The following PRKN variants were observed in gnomAD, a reference collection of about 807,000 sequenced individuals.
The protein encoded by PRKN is E3 ubiquitin-protein ligase parkin.
In PRKN, 56 loss-of-function variants were observed where a neutral mutation model predicts 59.5. That is an observed-to-expected ratio of 0.94 (90% CI 0.76 to 1.18). The LOEUF is 1.18. Ranked by LOEUF, PRKN falls within the 50% of genes most tolerant of loss-of-function variation. The pLI, the probability that PRKN is intolerant of heterozygous loss-of-function variation, is 0.00. For missense variants in PRKN, 657 were observed against 596.4 expected (o/e 1.10, Z -1.06); for synonymous variants, 250 against 222.1 (o/e 1.13, Z -1.12).
At chr6:161,873,379 C>A (rs1794423301) in intron 6 of PRKN, among the ~76,000 whole-genome samples, 1 of 151,918 alleles carries the variant, frequency 6.6e-6, no homozygotes, top group African/African-American at 2.4e-5. Context: ...GGAAACTATG[C>A]AAGCATGAAA....
intron 7 of PRKN, among the ~76,000 whole-genome samples, chr6:161,616,936 T>C (rs1257170593): frequency 1.6e-4 from 25 of 152,206 alleles, no homozygotes; most frequent in Admixed American, 1.6e-3. Flanking sequence ...GTAATGAGAT[T>C]GCTGGGTCAA....
intron 1 of PRKN, among the ~76,000 whole-genome samples, chr6:162,467,908 T>C (rs941372176): frequency 6.6e-6 from 1 of 152,098 alleles, no homozygotes; most frequent in African/African-American, 2.4e-5. Flanking sequence ...TTGTTCCCTT[T>C]GCCTGGAGCA....
intron 7 of PRKN, among the ~76,000 whole-genome samples, chr6:161,623,761 G>A (rs541786382): frequency 1.3e-5 from 2 of 152,142 alleles, no homozygotes; most frequent in African/African-American, 4.8e-5. Context: ...GCCAAAAATG[G>A]GTAAAAAGGA....
In PRKN at chr6:161,355,458, A is replaced by G. The variant is rs979375788; in HGVS notation, c.1285+4630T>C. 7.9e-5 allele frequency among the ~76,000 whole-genome samples: 12 copies of G among 152,176 alleles called. No homozygotes were observed. The highest frequency in any genetic ancestry group is 2.7e-4 in the African/African-American group (11 of 41,442). ...ACTGTGTCACCCAGGCCGAAGTGCA[A>G]TGGTGCAATCTTGGCTCACTGCAAC... is the stretch of plus-strand genomic sequence containing the variant. On this transcript the variant is annotated intron_variant, in intron 11 of 11. Coordinates refer to ENST00000366898, the MANE Select transcript of PRKN (RefSeq NM_004562.3). This position sits in a 1 kb window ranked among gnomAD's most constrained non-coding sequence, Gnocchi z 6.8.
chr6:162,057,927 G>C (rs913244233), intron 4 of PRKN, among the ~76,000 whole-genome samples: 3 of 152,082 alleles, frequency 2.0e-5, no homozygotes, highest in African/African-American at 7.2e-5. Context: ...TTCAACAGAG[G>C]ATTTTAATTA....
rs1554253908 is a variant in PRKN at position 161,371,474 on chromosome 6, A to AT, written c.1168-11270dup. 0.1 allele frequency among the ~76,000 whole-genome samples: 14,143 copies of AT among 137,502 alleles called. 738 individuals are homozygous for AT. The highest frequency in any genetic ancestry group is 0.14 in the African/African-American group (5,346 of 38,338). 90.2% of individuals were successfully genotyped at this position (137,502 alleles called of 152,430 possible). On this transcript the variant is annotated intron_variant, in intron 10 of 11. Coordinates refer to ENST00000366898, the MANE Select transcript of PRKN (RefSeq NM_004562.3). This position sits in a 1 kb window ranked among gnomAD's most constrained non-coding sequence, Gnocchi z 5.5. ...GCCACTGCGCCCGGCCTATTTTGTT[A>AT]TTTTTTTTAAGAGAAATCATCAGAG... is the stretch of plus-strand genomic sequence containing the variant.
At chr6:162,479,651 G>A (rs917763134) in intron 1 of PRKN, among the ~76,000 whole-genome samples, 14 of 152,032 alleles carry the variant, frequency 9.2e-5, no homozygotes, top group Non-Finnish European at 7.4e-5. Flanking sequence ...CCACTGGAGG[G>A]TCTTCAGGGA....
At chr6:162,558,531 G>A (rs1445355851) in intron 1 of PRKN, among the ~76,000 whole-genome samples, 1 of 151,776 alleles carries the variant, frequency 6.6e-6, no homozygotes, top group Admixed American at 6.6e-5. Flanking sequence ...GTTTCTCCAT[G>A]TTGGTCAGGC....
In PRKN at chr6:162,165,905, G is replaced by A. The variant is rs545905443; in HGVS notation, c.534+35226C>T. On this transcript the variant is annotated intron_variant, in intron 4 of 11. Transcript: ENST00000366898. ...CTCTACTAAAATACAAAAATTAGCC[G>A]GGTGTGGTGGTGGGCACCTGTAGTC... Among the ~76,000 whole-genome samples, 7 of 151,950 alleles carry A rather than the reference G, an allele frequency of 4.6e-5. No homozygotes were observed. In the East Asian group the frequency reaches 7.7e-4, roughly 17 times the overall value.
rs956053032 is a variant in PRKN, at chr6:161,399,134, C to T, written c.1084-12257G>A. ...GTTAGAGAGGAGATTGGCTGCTGGACGGCCCAACTCCAGGGGAAGATCATC... is the reference window on the plus strand; with the variant it reads ...GTTAGAGAGGAGATTGGCTGCTGGATGGCCCAACTCCAGGGGAAGATCATC... On this transcript the variant is annotated intron_variant, in intron 9 of 11. Transcript: ENST00000366898. The surrounding 1 kb of genome is among the most constrained non-coding windows in gnomAD (Gnocchi z 4.4). 5.3e-5 allele frequency among the ~76,000 whole-genome samples: 8 copies of T among 152,206 alleles called. No homozygotes were observed. The highest frequency in any genetic ancestry group is 1.9e-4 in the East Asian group (1 of 5,176).
intron 6 of PRKN, among the ~76,000 whole-genome samples, chr6:161,956,375 A>G (rs543108030): frequency 6.6e-6 from 1 of 152,350 alleles, no homozygotes; most frequent in East Asian, 1.9e-4. Flanking sequence ...AAGACTGGAA[A>G]ACAAGAAAAT....
intron 1 of PRKN, among the ~76,000 whole-genome samples, chr6:162,462,100 G>A (rs1017530713): frequency 2.6e-5 from 4 of 152,170 alleles, no homozygotes; most frequent in African/African-American, 4.8e-5. Flanking sequence ...TTATATAACT[G>A]TGAGAACTCT....
chr6:161,489,975 C>A (rs915423474), intron 9 of PRKN, among the ~76,000 whole-genome samples: 3 of 152,220 alleles, frequency 2.0e-5, no homozygotes, highest in African/African-American at 7.2e-5. Flanking sequence ...CCAATTTCCA[C>A]AGTAACTCCT....
At chr6:161,838,721 A>G (rs981431489) in intron 6 of PRKN, among the ~76,000 whole-genome samples, 3 of 152,052 alleles carry the variant, frequency 2.0e-5, no homozygotes, top group African/African-American at 7.2e-5. Context: ...AGTGCCACAT[A>G]CTGCAGGGAG....
At chr6:162,142,578 T>A (rs1042771474) in intron 4 of PRKN, among the ~76,000 whole-genome samples, 2 of 152,182 alleles carry the variant, frequency 1.3e-5, no homozygotes, top group Non-Finnish European at 2.9e-5. Context: ...TTTTTATTTA[T>A]GCAATAAAGA....
intron 4 of PRKN, among the ~76,000 whole-genome samples, chr6:162,195,696 C>G (rs956921841): frequency 6.6e-6 from 1 of 152,098 alleles, no homozygotes; most frequent in Non-Finnish European, 1.5e-5. Flanking sequence ...GTGATTGTAG[C>G]GGGGAGGGGG....
chr6:162,577,981 C>T (rs1002447183), intron 1 of PRKN, among the ~76,000 whole-genome samples: 4 of 151,966 alleles, frequency 2.6e-5, no homozygotes, highest in Admixed American at 1.3e-4. Context: ...ATACAATTGG[C>T]AAAAATGATT....
intron 9 of PRKN, among the ~76,000 whole-genome samples, chr6:161,491,955 G>T (rs1289709520): frequency 6.6e-6 from 1 of 152,054 alleles, no homozygotes; most frequent in Non-Finnish European, 1.5e-5. Flanking sequence ...CTTTAACCTT[G>T]TTTTTTATCC....
intron 1 of PRKN, among the ~76,000 whole-genome samples, chr6:162,582,565 T>C (rs1280438718): frequency 2.0e-5 from 3 of 152,198 alleles, no homozygotes; most frequent in African/African-American, 7.2e-5. Flanking sequence ...AGTTCAAATT[T>C]GCATGATAAT....
Sources: allele counts gnomAD v4.1 joint callset (sites outside exome capture counted in the v4.1 genomes callset), GRCh38; gene constraint gnomAD v4.1.1; non-coding constraint Gnocchi (gnomAD v3.1); transcripts MANE v1.5; gene names NCBI Gene and HGNC (gene_info 2026-07-23, HGNC 2026-07-21).